Variants in NKAIN3 observed in about 807,000 individuals in gnomAD.
NKAIN3 encodes sodium/potassium-transporting ATPase subunit beta-1-interacting protein 3.
NKAIN3 carries 25 observed loss-of-function variants against 30.2 expected under a neutral mutation model. That is an observed-to-expected ratio of 0.83 (90% CI 0.60 to 1.16). The LOEUF is 1.16. Ranked by LOEUF, NKAIN3 falls within the 50% of genes most tolerant of loss-of-function variation. NKAIN3 has a pLI of 0.00. For synonymous variants in NKAIN3, 91 were observed against 89.6 expected, an observed-to-expected ratio of 1.02 and a Z score of -0.09; for missense variants, 225 against 254.1, an observed-to-expected ratio of 0.89 and a Z score of 0.78.
intron 3 of NKAIN3, among the ~76,000 whole-genome samples, chr8:62,626,700 C>A (rs1360589312): frequency 1.3e-5 from 2 of 152,042 alleles, no homozygotes; most frequent in African/African-American, 2.4e-5. Flanking sequence ...CACTTTCTAT[C>A]TTAGGGTGGT....
At chr8:62,392,036 A>G (rs1331979128) in intron 1 of NKAIN3, among the ~76,000 whole-genome samples, 1 of 152,084 alleles carries the variant, frequency 6.6e-6, no homozygotes, top group Non-Finnish European at 1.5e-5. Context: ...TTCACTAGAC[A>G]ACATAAGGAA....
intron 3 of NKAIN3, among the ~76,000 whole-genome samples, chr8:62,641,423 AT>A (rs1171618387): frequency 6.6e-6 from 1 of 152,134 alleles, no homozygotes; most frequent in African/African-American, 2.4e-5. Context: ...CTTCCATGTA[AT>A]TGCAGCTAAA....
intron 1 of NKAIN3, among the ~76,000 whole-genome samples, chr8:62,279,005 A>G (rs1247943109): frequency 1.3e-5 from 2 of 152,150 alleles, no homozygotes; most frequent in African/African-American, 2.4e-5. Context: ...ACAGTGTAAA[A>G]GCTTTCCTAT....
chr8:62,908,884 T>A (rs1432923058), intron 4 of NKAIN3, among the ~76,000 whole-genome samples: 2 of 152,206 alleles, frequency 1.3e-5, no homozygotes, highest in East Asian at 3.9e-4. Context: ...AAGGCTTCAA[T>A]GTTGGTGTGA....
intron 3 of NKAIN3, among the ~76,000 whole-genome samples, chr8:62,695,558 G>T (rs1271625955): frequency 6.6e-6 from 1 of 152,152 alleles, no homozygotes; most frequent in African/African-American, 2.4e-5. Flanking sequence ...AGTTTGAAAG[G>T]GCAGAAGGAG....
intron 3 of NKAIN3, among the ~76,000 whole-genome samples, chr8:62,618,772 G>T (rs981856482): frequency 5.9e-5 from 9 of 152,066 alleles, no homozygotes; most frequent in Non-Finnish European, 1.2e-4. Flanking sequence ...CGGGCATGGT[G>T]GTGGGCATCT....
chr8:62,513,857 C>CA lies in NKAIN3; in HGVS notation c.55-65654dup, dbSNP rs10608416. 4.7e-3 allele frequency among the ~76,000 whole-genome samples: 249 copies of CA among 52,628 alleles called. 16 individuals are homozygous for CA. Among genetic ancestry groups the CA allele is most frequent in the Non-Finnish European group, 6.1e-3 (190 of 31,284 alleles). 34.5% of individuals were successfully genotyped at this position (52,628 alleles called of 152,430 possible). A position where few individuals can be genotyped will look rare whatever the true frequency, so the allele number is the denominator to read the frequency against. The stretch of plus-strand genomic sequence containing the variant: ...CTGGGCAACAGAGTGAAACCTGTCT[C>CA]AAAAAAAAAAAAAAAAAAAAAAAAA... On this transcript the variant is annotated intron_variant, in intron 1 of 6. Transcript: ENST00000623646.
intron 4 of NKAIN3, chr8:62,864,197 G>T: frequency 1.5e-6 from 1 of 659,540 alleles, no homozygotes; most frequent in Non-Finnish European, 2.6e-6. Flanking sequence ...AGGCTCTGGC[G>T]GATGGCGAAT....
chr8:62,909,582 GA>G (rs747697360), intron 4 of NKAIN3, among the ~76,000 whole-genome samples: 3 of 151,982 alleles, frequency 2.0e-5, no homozygotes, highest in Non-Finnish European at 4.4e-5. Flanking sequence ...CAAATTCTGG[GA>G]AATCAAGAAC....
At chr8:62,988,469 C>T (rs541391597), downstream of NKAIN3, among the ~76,000 whole-genome samples, 33 of 152,366 alleles carry the variant, frequency 2.2e-4, no homozygotes, top group South Asian at 1.0e-3. Flanking sequence ...TGGAGATTCC[C>T]AAACCTCAGT....
intron 4 of NKAIN3, among the ~76,000 whole-genome samples, chr8:62,754,832 T>C (rs1304414566): frequency 6.6e-6 from 1 of 152,196 alleles, no homozygotes; most frequent in African/African-American, 2.4e-5. Flanking sequence ...TTCATATGCT[T>C]ATAGAATAAA....
chr8:62,536,112 A>G (rs1481541565), intron 1 of NKAIN3, among the ~76,000 whole-genome samples: 1 of 152,216 alleles, frequency 6.6e-6, no homozygotes, highest in Non-Finnish European at 1.5e-5. Context: ...ACATGTATAG[A>G]CATGCATGAA....
chr8:62,657,770 C>T lies in NKAIN3; in HGVS notation c.273+67976C>T, dbSNP rs114644814. On this transcript the variant is annotated intron_variant, in intron 3 of 6. Transcript: ENST00000623646. ...GGTATAGCAGAAAAAGCCTGCACCACGAAATAGGAACTCTGAAGTCTATTC... is the reference window on the plus strand; with the variant it reads ...GGTATAGCAGAAAAAGCCTGCACCATGAAATAGGAACTCTGAAGTCTATTC... Among the ~76,000 whole-genome samples, 526 of 152,270 alleles carry T rather than the reference C, an allele frequency of 3.5e-3. 5 individuals carry two copies. The highest frequency in any genetic ancestry group is 0.012 in the African/African-American group (500 of 41,556).
chr8:62,561,237 C>T (rs1319011512), intron 1 of NKAIN3, among the ~76,000 whole-genome samples: 3 of 152,126 alleles, frequency 2.0e-5, no homozygotes, highest in Non-Finnish European at 4.4e-5. Context: ...CATGATTCCT[C>T]AGGTAGCTGG....
chr8:62,966,182 C>A lies in NKAIN3; in HGVS notation c.*775C>A. ...ACTGCTGTCAGACCTAAACATACAGCTCATGGGCTTGTGGGACAGAAATCA... is the reference window on the plus strand; with the variant it reads ...ACTGCTGTCAGACCTAAACATACAGATCATGGGCTTGTGGGACAGAAATCA... On this transcript the variant is annotated 3_prime_UTR_variant, in exon 7 of 7. Coordinates refer to ENST00000623646, the MANE Select transcript of NKAIN3 (RefSeq NM_001304533.3). 1 of 985,056 alleles carries A rather than the reference C, an allele frequency of 1.0e-6. No homozygotes were observed. Among genetic ancestry groups the A allele is most frequent in the Non-Finnish European group, 1.2e-6 (1 of 829,682 alleles). 61.0% of individuals were successfully genotyped at this position (985,056 alleles called of 1,614,324 possible).
intron 1 of NKAIN3, among the ~76,000 whole-genome samples, chr8:62,571,115 G>A (rs898553721): frequency 1.3e-5 from 2 of 149,746 alleles, no homozygotes; most frequent in African/African-American, 4.9e-5. Context: ...TTTCAAATAA[G>A]TCTTGGGTTA....
intron 1 of NKAIN3, among the ~76,000 whole-genome samples, chr8:62,421,527 A>G (rs796113083): frequency 1.3e-5 from 2 of 152,010 alleles, no homozygotes; most frequent in African/African-American, 4.8e-5. Flanking sequence ...GAATACATAC[A>G]CCATCTCCCT....
intron 2 of NKAIN3, among the ~76,000 whole-genome samples, chr8:62,581,234 T>G (rs556269550): frequency 6.6e-6 from 1 of 152,254 alleles, no homozygotes; most frequent in African/African-American, 2.4e-5. Flanking sequence ...GGAGTTGGAC[T>G]TGAGGCCTAA....
intron 3 of NKAIN3, among the ~76,000 whole-genome samples, chr8:62,723,588 A>C (rs150864931): frequency 9.2e-4 from 140 of 152,228 alleles, no homozygotes; most frequent in African/African-American, 3.4e-3. Context: ...TTACTAATGA[A>C]ATGTATACTT....
Sources: gnomAD v4.1 joint callset for allele counts (sites outside exome capture counted in the v4.1 genomes callset) on GRCh38, gnomAD v4.1.1 for gene constraint, MANE v1.5 for transcripts, NCBI Gene and HGNC (gene_info 2026-07-23, HGNC 2026-07-21) for gene names.